RFC3: variants seen among roughly 807,000 people sequenced by gnomAD.
The protein encoded by RFC3 is A1 38 kDa subunit.
In RFC3, 41 loss-of-function variants were observed where a neutral mutation model predicts 45.1. That is an observed-to-expected ratio of 0.91 (90% CI 0.71 to 1.18). RFC3 has a LOEUF of 1.18. Among genes scored for constraint, RFC3 ranks in the 50% most tolerant of loss-of-function variants. RFC3 has a pLI of 0.00. For synonymous variants in RFC3, 149 were observed against 144.0 expected, an observed-to-expected ratio of 1.03 and a Z score of -0.25; for missense variants, 423 against 428.1, an observed-to-expected ratio of 0.99 and a Z score of 0.10.
intron 8 of RFC3, among the ~76,000 whole-genome samples, chr13:33,861,645 C>CA (rs1046372339): frequency 0.041 from 2,680 of 65,744 alleles, 60 homozygotes; most frequent in African/African-American, 0.12. Flanking sequence ...AACTCCATCT[C>CA]AAAAAAAAAA....
intron 8 of RFC3, among the ~76,000 whole-genome samples, chr13:33,914,121 C>A (rs1429523862): frequency 6.6e-6 from 1 of 151,944 alleles, no homozygotes; most frequent in African/African-American, 2.4e-5. Context: ...TAAGGCGGTT[C>A]ATGGTCAATT....
At chr13:33,889,368 C>G (rs1354452026) in intron 8 of RFC3, among the ~76,000 whole-genome samples, 4 of 152,110 alleles carry the variant, frequency 2.6e-5, no homozygotes, top group Admixed American at 1.3e-4. Context: ...AAAAATTTGC[C>G]AATTGAAAAT....
chr13:33,874,734 C>A (rs1467059010), intron 8 of RFC3, among the ~76,000 whole-genome samples: 1 of 152,198 alleles, frequency 6.6e-6, no homozygotes, highest in South Asian at 2.1e-4. Context: ...GAAATATATA[C>A]CTGGAAAATG....
chr13:33,970,070 G>A (rs558215226), downstream of RFC3, among the ~76,000 whole-genome samples: 2 of 152,112 alleles, frequency 1.3e-5, no homozygotes, highest in South Asian at 2.1e-4. Flanking sequence ...CATTCTTCCT[G>A]ATGCTCTTCC....
At chr13:33,905,986 T>C (rs1283660342) in intron 8 of RFC3, among the ~76,000 whole-genome samples, 1 of 152,116 alleles carries the variant, frequency 6.6e-6, no homozygotes, top group Admixed American at 6.6e-5. Context: ...GTGAATTTTG[T>C]CTTCACAAAT....
intron 8 of RFC3, among the ~76,000 whole-genome samples, chr13:33,914,487 A>C (rs949326221): frequency 2.0e-5 from 3 of 152,124 alleles, no homozygotes; most frequent in African/African-American, 7.2e-5. Context: ...GCTGATGACA[A>C]GGTAAATTGG....
At chr13:33,842,317 ATAAT>A (rs1420117473), downstream of RFC3, among the ~76,000 whole-genome samples, 1 of 152,160 alleles carries the variant, frequency 6.6e-6, no homozygotes, top group Non-Finnish European at 1.5e-5. Context: ...AAATCCAGAA[ATAAT>A]TTGTAAGTTT....
At chr13:33,950,904 G>T (rs1272623248) in intron 8 of RFC3, among the ~76,000 whole-genome samples, 5 of 151,806 alleles carry the variant, frequency 3.3e-5, no homozygotes, top group Non-Finnish European at 5.9e-5. Flanking sequence ...CTCTTCCAAG[G>T]TTTCCACCCA....
chr13:33,925,846 T>C (rs9539237), intron 8 of RFC3, among the ~76,000 whole-genome samples: 57 of 152,038 alleles, frequency 3.7e-4, no homozygotes, highest in Non-Finnish European at 7.1e-4. Flanking sequence ...TGAAGTGACA[T>C]GAGACTGCAG....
chr13:33,865,355 C>T lies in RFC3; in HGVS notation c.879+30138C>T, dbSNP rs893242904. ...AAGAAGCTGTTGTTTCCTTTGTGCT[C>T]ACCCTCTCTAGTGACAGCTCTAGGT... is the stretch of plus-strand genomic sequence containing the variant. On this transcript the variant is annotated intron_variant, in intron 8 of 8. Transcript: ENST00000434425. Among the ~76,000 whole-genome samples the T allele has an allele frequency of 2.6e-5, 4 of 152,196 alleles. No individual in the cohort carries two copies. In the East Asian group the frequency reaches 7.7e-4, roughly 29 times the overall value.
chr13:33,834,192 G>T (rs183634840), intron 7 of RFC3, among the ~76,000 whole-genome samples: 79 of 148,380 alleles, frequency 5.3e-4, no homozygotes, highest in African/African-American at 1.9e-3. Context: ...GATTTAATGT[G>T]CCAGGGCTTC....
chr13:33,845,419 T>G (rs1048614096), intron 8 of RFC3, among the ~76,000 whole-genome samples: 1 of 152,214 alleles, frequency 6.6e-6, no homozygotes, highest in Admixed American at 6.5e-5. Context: ...AGATATGCCC[T>G]CTTGAAGATA....
chr13:33,890,356 T>C (rs2082555888), intron 8 of RFC3, among the ~76,000 whole-genome samples: 1 of 152,160 alleles, frequency 6.6e-6, no homozygotes. Flanking sequence ...TCAGAGCTCA[T>C]GTATGTGCCA....
chr13:33,927,283 T>A (rs2082819989), intron 8 of RFC3, among the ~76,000 whole-genome samples: 1 of 151,334 alleles, frequency 6.6e-6, no homozygotes, highest in African/African-American at 2.4e-5. Flanking sequence ...CAGACCTGGA[T>A]GGCCTCTCAT....
intron 8 of RFC3, among the ~76,000 whole-genome samples, chr13:33,893,520 G>T (rs1416190176): frequency 6.6e-6 from 1 of 151,862 alleles, no homozygotes; most frequent in African/African-American, 2.4e-5. Flanking sequence ...CTCTTCAATA[G>T]ACAGAATAAG....
intron 1 of RFC3, among the ~76,000 whole-genome samples, chr13:33,819,885 A>C (rs1324831394): frequency 1.3e-5 from 2 of 152,206 alleles, no homozygotes. Context: ...GATTAGATTG[A>C]AGTTGAAAAA....
chr13:33,961,587 A>G (rs1284785982), intron 8 of RFC3, among the ~76,000 whole-genome samples: 2 of 152,216 alleles, frequency 1.3e-5, no homozygotes, highest in African/African-American at 4.8e-5. Context: ...AGAAAAACAT[A>G]TGGGCAGAGG....
At chr13:33,898,100 G>T (rs2082613427) in intron 8 of RFC3, among the ~76,000 whole-genome samples, 1 of 151,890 alleles carries the variant, frequency 6.6e-6, no homozygotes, top group African/African-American at 2.4e-5. Flanking sequence ...AGATCATTCA[G>T]ACAAAACGTT....
chr13:33,835,871 G>A (rs2082149443), intron 8 of RFC3, among the ~76,000 whole-genome samples: 1 of 152,120 alleles, frequency 6.6e-6, no homozygotes, highest in Non-Finnish European at 1.5e-5. Flanking sequence ...ACTTTGTGCA[G>A]TTAAATATTT....
Sources: allele counts gnomAD v4.1 joint callset (sites outside exome capture counted in the v4.1 genomes callset), GRCh38; gene constraint gnomAD v4.1.1; transcripts MANE v1.5; gene names NCBI Gene and HGNC (gene_info 2026-07-23, HGNC 2026-07-21).